Variants in CACNB4 observed in about 807,000 individuals in gnomAD.
The protein encoded by CACNB4 is calcium voltage-gated channel auxiliary subunit beta 4, also known as voltage-dependent L-type calcium channel subunit beta-4.
CACNB4 carries 32 observed loss-of-function variants against 71.2 expected under a neutral mutation model. The observed-to-expected ratio is 0.45, with a 90% CI of 0.34 to 0.60. CACNB4 has a LOEUF of 0.60. Ranked by LOEUF, CACNB4 falls within the 20% of genes least tolerant of loss-of-function variation. CACNB4 has a pLI of 0.01. For synonymous variants in CACNB4, 231 were observed against 236.9 expected, an observed-to-expected ratio of 0.97 and a Z score of 0.23; for missense variants, 464 against 647.9, an observed-to-expected ratio of 0.72 and a Z score of 3.08.
intron 2 of CACNB4, chr2:151,969,821 T>C (rs2099872055): frequency 6.6e-6 from 1 of 152,252 alleles, no homozygotes; most frequent in African/African-American, 2.4e-5. Flanking sequence ...ATATTAAGTT[T>C]GTAAAATTTA....
chr2:151,920,285 A>G (rs2099858632), intron 2 of CACNB4, among the ~76,000 whole-genome samples: 1 of 143,006 alleles, frequency 7.0e-6, no homozygotes, highest in African/African-American at 2.6e-5. Context: ...TTTTTACTTT[A>G]CCAGTCTAGA....
intron 2 of CACNB4, among the ~76,000 whole-genome samples, chr2:151,986,848 G>C (rs907259765): frequency 3.9e-5 from 6 of 152,066 alleles, no homozygotes; most frequent in Non-Finnish European, 5.9e-5. Flanking sequence ...ACTGGGGTTG[G>C]GGGGAGTCAC....
chr2:151,928,826 C>T (rs1053034275), intron 2 of CACNB4, among the ~76,000 whole-genome samples: 3 of 151,414 alleles, frequency 2.0e-5, no homozygotes, highest in African/African-American at 4.9e-5. Context: ...GCTGGAGAAT[C>T]GCTTGAACCT....
intron 2 of CACNB4, among the ~76,000 whole-genome samples, chr2:152,073,746 G>A (rs1437789068): frequency 6.6e-6 from 1 of 152,180 alleles, no homozygotes; most frequent in South Asian, 2.1e-4. Context: ...ATTCTCCACT[G>A]CCAGCTGTGT....
intron 4 of CACNB4, among the ~76,000 whole-genome samples, chr2:151,878,550 TACACAC>T (rs60040188): frequency 1.2e-4 from 16 of 129,878 alleles, no homozygotes; most frequent in East Asian, 2.4e-4. Flanking sequence ...AGACCCTGTC[TACACAC>T]ACACACACAC....
chr2:152,026,747 T>C (rs1027266514), intron 2 of CACNB4, among the ~76,000 whole-genome samples: 5 of 152,092 alleles, frequency 3.3e-5, no homozygotes, highest in African/African-American at 1.2e-4. Flanking sequence ...ACTTCAATCT[T>C]TCCATTCTCT....
At chr2:151,976,360 C>T (rs2099873801) in intron 2 of CACNB4, among the ~76,000 whole-genome samples, 1 of 152,156 alleles carries the variant, frequency 6.6e-6, no homozygotes, top group South Asian at 2.1e-4. Flanking sequence ...GTGTTCCTTC[C>T]CCCACTTCCT....
Position 151,895,444 on chromosome 2 carries a change from A to G in CACNB4, c.148-12074T>C, listed in dbSNP as rs149493142. ...TAAAATGTGAAATCATTAAGTCAGAAGATCGCATTGTACAATAATCTAGTA... is the reference window on the plus strand; with the variant it reads ...TAAAATGTGAAATCATTAAGTCAGAGGATCGCATTGTACAATAATCTAGTA... On this transcript the variant is annotated intron_variant, in intron 2 of 13. Coordinates refer to ENST00000539935, the MANE Select transcript of CACNB4 (RefSeq NM_000726.5). Among the ~76,000 whole-genome samples the G allele has an allele frequency of 5.7e-3, 863 of 151,910 alleles. 9 individuals are homozygous for G. The highest frequency in any genetic ancestry group is 0.02 in the African/African-American group (820 of 41,406).
chr2:151,893,994 G>A (rs1469232811), intron 2 of CACNB4, among the ~76,000 whole-genome samples: 1 of 152,040 alleles, frequency 6.6e-6, no homozygotes, highest in Non-Finnish European at 1.5e-5. Context: ...TGATGAATAA[G>A]ACACAAAAAT....
chr2:152,014,031 A>C (rs1285289235), intron 2 of CACNB4, among the ~76,000 whole-genome samples: 1 of 152,208 alleles, frequency 6.6e-6, no homozygotes, highest in Non-Finnish European at 1.5e-5. Flanking sequence ...TGTAGTGAGC[A>C]ACACTCCATG....
At position 152,098,575 on chromosome 2, in the gene CACNB4, C is replaced by CCCCCCCCCCCCACCA; in HGVS notation, c.64-163_64-162insTGGTGGGGGGGGGGG. 3 of 877,276 alleles carry CCCCCCCCCCCCACCA rather than the reference C, an allele frequency of 3.4e-6. No individual in the cohort carries two copies. Among genetic ancestry groups the CCCCCCCCCCCCACCA allele is most frequent in the Non-Finnish European group, 5.7e-6 (3 of 530,914 alleles). 54.3% of individuals were successfully genotyped at this position (877,276 alleles called of 1,614,324 possible). ...GACTCCCAAATACAGCCCCCACCCC[C>CCCCCCCCCCCCACCA]ACCCACCCACTGCAAGCCTCGACTG... is the stretch of plus-strand genomic sequence containing the variant. On this transcript the variant is annotated intron_variant, in intron 1 of 13. Transcript: ENST00000539935. This position sits in a 1 kb window ranked among gnomAD's most constrained non-coding sequence, Gnocchi z 5.3.
chr2:151,938,131 A>C (rs1022142958), intron 2 of CACNB4, among the ~76,000 whole-genome samples: 3 of 152,182 alleles, frequency 2.0e-5, no homozygotes, highest in Non-Finnish European at 4.4e-5. Flanking sequence ...TCTTTCATGT[A>C]CCAGAAATGG....
intron 2 of CACNB4, among the ~76,000 whole-genome samples, chr2:151,952,787 G>A (rs1480050233): frequency 6.6e-6 from 1 of 152,160 alleles, no homozygotes; most frequent in Non-Finnish European, 1.5e-5. Flanking sequence ...GTTTTATGAT[G>A]TAATTGATTC....
chr2:151,940,953 G>A (rs1398913581), intron 2 of CACNB4, among the ~76,000 whole-genome samples: 1 of 152,152 alleles, frequency 6.6e-6, no homozygotes, highest in East Asian at 1.9e-4. Context: ...GGTAGTAAAT[G>A]GGAATGTACC....
At position 152,026,387 on chromosome 2, in the gene CACNB4, T is replaced by C. The variant is rs573843931; in HGVS notation, c.147+71943A>G. On this transcript the variant is annotated intron_variant, in intron 2 of 13. Coordinates refer to ENST00000539935, the MANE Select transcript of CACNB4 (RefSeq NM_000726.5). ...CTCCACTTCTCTAGTCCCTTTTTTT[T>C]TTTTTCTTCTTCTTTGAGACAGGTT... is the stretch of plus-strand genomic sequence containing the variant. 1.4e-3 allele frequency among the ~76,000 whole-genome samples: 206 copies of C among 152,128 alleles called. 3 individuals are homozygous for C. The highest frequency in any genetic ancestry group is 6.8e-3 in the Middle Eastern group (2 of 292).
At chr2:152,040,426 T>C (rs1579184128) in intron 2 of CACNB4, among the ~76,000 whole-genome samples, 1 of 152,166 alleles carries the variant, frequency 6.6e-6, no homozygotes, top group East Asian at 1.9e-4. Flanking sequence ...TATCTATTTG[T>C]ATTATTTTAT....
chr2:151,930,723 T>A (rs2099861431), intron 2 of CACNB4, among the ~76,000 whole-genome samples: 1 of 152,192 alleles, frequency 6.6e-6, no homozygotes, highest in Admixed American at 6.5e-5. Flanking sequence ...AAAGGAAAAG[T>A]TCCAGAACAC....
At chr2:152,062,050 G>A (rs867200626) in intron 2 of CACNB4, among the ~76,000 whole-genome samples, 1,052 of 98,638 alleles carry the variant, frequency 0.011, 14 homozygotes, top group African/African-American at 0.038. Context: ...TAATAATAAT[G>A]ATTAGGAATG....
chr2:151,959,443 T>C (rs2099869096), intron 2 of CACNB4, among the ~76,000 whole-genome samples: 2 of 152,306 alleles, frequency 1.3e-5, no homozygotes, highest in South Asian at 4.1e-4. Flanking sequence ...CTTACAAAAC[T>C]AGTCACTAAG....
Sources: gnomAD v4.1 joint callset for allele counts (sites outside exome capture counted in the v4.1 genomes callset) on GRCh38, gnomAD v4.1.1 for gene constraint, Gnocchi (gnomAD v3.1) non-coding constraint, MANE v1.5 for transcripts, NCBI Gene and HGNC (gene_info 2026-07-23, HGNC 2026-07-21) for gene names.